NTM: variants seen among roughly 807,000 people sequenced by gnomAD.
The protein encoded by NTM is IgLON family member 2.
Under a neutral mutation model 42.1 loss-of-function variants are expected in NTM, and 13 were observed. The observed-to-expected ratio is 0.31, with a 90% confidence interval of 0.20 to 0.49. The LOEUF (loss-of-function observed/expected upper bound fraction) is 0.49. Ranked by LOEUF, NTM falls within the 20% of genes least tolerant of loss-of-function variation. The pLI, the probability that NTM is intolerant of heterozygous loss-of-function variation, is 0.99. For missense variants in NTM, 373 were observed against 452.8 expected (o/e 0.82, Z 1.60); for synonymous variants, 187 against 179.2 (o/e 1.04, Z -0.35).
chr11:132,131,194 C>T (rs370692803), intron 2 of NTM, among the ~76,000 whole-genome samples: 1 of 152,104 alleles, frequency 6.6e-6, no homozygotes, highest in Admixed American at 6.5e-5. Context: ...TAGATGCACG[C>T]GTGTTATGCT....
At chr11:132,199,226 A>C (rs927230072) in intron 3 of NTM, among the ~76,000 whole-genome samples, 1 of 152,226 alleles carries the variant, frequency 6.6e-6, no homozygotes, top group African/African-American at 2.4e-5. Flanking sequence ...GCGTGACACC[A>C]CAGGTAGGGA....
At chr11:131,512,229 G>A (rs999585824) in intron 1 of NTM, among the ~76,000 whole-genome samples, 1 of 152,236 alleles carries the variant, frequency 6.6e-6, no homozygotes, top group South Asian at 2.1e-4. Context: ...ACGGTGGCAT[G>A]TACTGAATTG....
At chr11:131,904,116 T>C (rs1346309206) in intron 1 of NTM, among the ~76,000 whole-genome samples, 7 of 152,174 alleles carry the variant, frequency 4.6e-5, no homozygotes, top group Non-Finnish European at 8.8e-5. Context: ...CCATATGTTA[T>C]TATGCAAATT....
At position 132,213,828 on chromosome 11, in the gene NTM, G is replaced by A. The variant is rs1030199795; in HGVS notation, c.526+1681G>A. Among the ~76,000 whole-genome samples, 12 of 61,792 alleles carry A rather than the reference G, an allele frequency of 1.9e-4. 2 individuals are homozygous for A. The South Asian group carries it at 5.2e-3, about 27-fold the overall frequency. 40.5% of individuals were successfully genotyped at this position (61,792 alleles called of 152,430 possible). On this transcript the variant is annotated intron_variant, in intron 4 of 8. Transcript: ENST00000683400. ...CGGCTCACTGCAAGCTCCGCCTCCC[G>A]GGTTCACGCCATTCTCCCGCCTCAG...
intron 2 of NTM, among the ~76,000 whole-genome samples, chr11:132,067,903 T>A (rs2136105398): frequency 6.6e-6 from 1 of 152,376 alleles, no homozygotes; most frequent in South Asian, 2.1e-4. Context: ...TTTAGTCATG[T>A]CCTTGATCCT....
chr11:131,906,952 T>C (rs1317983101), intron 1 of NTM, among the ~76,000 whole-genome samples: 1 of 152,216 alleles, frequency 6.6e-6, no homozygotes, highest in Non-Finnish European at 1.5e-5. Context: ...AAATAGCATA[T>C]ATTTTTCCAG....
chr11:132,187,591 A>G (rs932192747), intron 3 of NTM, among the ~76,000 whole-genome samples: 1 of 152,162 alleles, frequency 6.6e-6, no homozygotes, highest in African/African-American at 2.4e-5. Context: ...TTCAGCAGCT[A>G]ACTACCCTGT....
chr11:132,064,281 C>T (rs1455078874), intron 2 of NTM, among the ~76,000 whole-genome samples: 3 of 152,130 alleles, frequency 2.0e-5, no homozygotes, highest in African/African-American at 7.2e-5. Flanking sequence ...CATATATAGA[C>T]TTGGGTAAGG....
At chr11:131,662,880 C>T (rs1308627888) in intron 1 of NTM, among the ~76,000 whole-genome samples, 1 of 151,998 alleles carries the variant, frequency 6.6e-6, no homozygotes, top group Non-Finnish European at 1.5e-5. Flanking sequence ...CAGAATTTCC[C>T]ATTAATAAGG....
intron 1 of NTM, among the ~76,000 whole-genome samples, chr11:131,518,413 T>G (rs1484386143): frequency 2.0e-5 from 3 of 152,170 alleles, no homozygotes; most frequent in African/African-American, 4.8e-5. Flanking sequence ...TTTTTTAAGC[T>G]GAGTACTTAG....
In NTM at chr11:131,599,326, C is replaced by T. The variant is rs571250568; in HGVS notation, c.82+228438C>T. On this transcript the variant is annotated intron_variant, in intron 1 of 8. Coordinates refer to ENST00000683400, the MANE Select transcript of NTM (RefSeq NM_001352005.2). ...GCAGATGCCCTGTCTACCCAGTCTC[C>T]GGCAGATGCCCTGTCTACCCAGTCT... Among the ~76,000 whole-genome samples the T allele has an allele frequency of 2.8e-4, 42 of 152,028 alleles. 1 individual carries two copies. Among genetic ancestry groups the T allele is most frequent in the African/African-American group, 9.7e-4 (40 of 41,336 alleles).
chr11:132,215,206 T>C (rs1018211249), intron 4 of NTM, among the ~76,000 whole-genome samples: 2 of 152,208 alleles, frequency 1.3e-5, no homozygotes, highest in African/African-American at 4.8e-5. Flanking sequence ...TCTTCGAGGG[T>C]AGATCACAGT....
At chr11:131,693,621 C>T (rs991096552) in intron 1 of NTM, among the ~76,000 whole-genome samples, 4 of 152,096 alleles carry the variant, frequency 2.6e-5, no homozygotes, top group South Asian at 2.1e-4. Context: ...TGCTGAGCAC[C>T]GTTTATTTCA....
At chr11:131,420,431 G>A (rs1947384878) in intron 1 of NTM, among the ~76,000 whole-genome samples, 1 of 152,196 alleles carries the variant, frequency 6.6e-6, no homozygotes, top group Non-Finnish European at 1.5e-5. Flanking sequence ...TAGGAAGACT[G>A]CTTTGGTCCT....
At chr11:132,216,117 A>G (rs1216797376) in intron 4 of NTM, among the ~76,000 whole-genome samples, 1 of 152,224 alleles carries the variant, frequency 6.6e-6, no homozygotes, top group Non-Finnish European at 1.5e-5. Flanking sequence ...TTAAACTCTC[A>G]GCTTTCTGTC....
intron 2 of NTM, among the ~76,000 whole-genome samples, chr11:132,021,303 A>G (rs1403403116): frequency 6.6e-6 from 1 of 152,098 alleles, no homozygotes; most frequent in Non-Finnish European, 1.5e-5. Context: ...TTTCAAAAAC[A>G]TGGTTTTCTT....
chr11:132,239,119 C>A (rs1050819849), intron 4 of NTM, among the ~76,000 whole-genome samples: 1 of 152,162 alleles, frequency 6.6e-6, no homozygotes, highest in African/African-American at 2.4e-5. Flanking sequence ...GAGACACTGC[C>A]GTAAGTCGGT....
At chr11:131,446,932 G>T (rs558777684) in intron 1 of NTM, among the ~76,000 whole-genome samples, 1 of 152,202 alleles carries the variant, frequency 6.6e-6, no homozygotes, top group Non-Finnish European at 1.5e-5. Flanking sequence ...GAGGCTGATG[G>T]AAAGCACATA....
chr11:132,124,701 G>A (rs1445662303), intron 2 of NTM, among the ~76,000 whole-genome samples: 1 of 152,242 alleles, frequency 6.6e-6, no homozygotes, highest in Non-Finnish European at 1.5e-5. Flanking sequence ...CAATGGCTGA[G>A]TGTGGTGTCT....
Sources: gnomAD v4.1 joint callset for allele counts (sites outside exome capture counted in the v4.1 genomes callset) on GRCh38, gnomAD v4.1.1 for gene constraint, MANE v1.5 for transcripts, NCBI Gene and HGNC (gene_info 2026-07-23, HGNC 2026-07-21) for gene names.